The following CAMK4 variants were observed in gnomAD, a reference collection of about 807,000 sequenced individuals.
The protein encoded by CAMK4 is calcium/calmodulin-dependent protein kinase type IV.
In CAMK4, 22 loss-of-function variants were observed where a neutral mutation model predicts 44.9. The observed-to-expected ratio is 0.49, with a 90% CI of 0.35 to 0.70. The LOEUF is 0.70. Among genes scored for constraint, CAMK4 ranks in the 30% least tolerant of loss-of-function variants. The pLI is 0.01. For synonymous variants in CAMK4, 218 were observed against 215.4 expected, an observed-to-expected ratio of 1.01 and a Z score of -0.11; for missense variants, 498 against 586.8, an observed-to-expected ratio of 0.85 and a Z score of 1.56.
rs571808063 is a variant in CAMK4, at chr5:111,450,546, C to T, written c.625+1343C>T. Among the ~76,000 whole-genome samples, 83 of 128,910 alleles carry T rather than the reference C, an allele frequency of 6.4e-4. 5 individuals are homozygous for T. The highest frequency in any genetic ancestry group is 1.2e-3 in the Non-Finnish European group (70 of 60,136). The allele number at this position is 128,910 out of a possible 152,430, so 84.6% of individuals were successfully genotyped here. ...CTCATGCCTATAATCCCAGCACTTT[C>T]GGAGGCCGAGGTGGGTGGATCACCT... On this transcript the variant is annotated intron_variant, in intron 7 of 10. Transcript: ENST00000282356.
intron 5 of CAMK4, among the ~76,000 whole-genome samples, chr5:111,399,918 T>C (rs760719038): frequency 1.3e-5 from 2 of 152,184 alleles, no homozygotes; most frequent in African/African-American, 2.4e-5. Context: ...TCTTATTCAA[T>C]TGGTGAAAAA....
chr5:111,414,136 G>C (rs1008053858), intron 5 of CAMK4, among the ~76,000 whole-genome samples: 1 of 152,156 alleles, frequency 6.6e-6, no homozygotes, highest in Non-Finnish European at 1.5e-5. Flanking sequence ...TTTGGACTAA[G>C]TATTCAGGAC....
intron 4 of CAMK4, among the ~76,000 whole-genome samples, chr5:111,381,823 G>A (rs1399914075): frequency 2.6e-5 from 4 of 152,180 alleles, no homozygotes; most frequent in African/African-American, 7.2e-5. Context: ...TTCACATACG[G>A]TTTTAAATTT....
At chr5:111,234,782 C>A (rs2112504066) in intron 1 of CAMK4, among the ~76,000 whole-genome samples, 1 of 152,248 alleles carries the variant, frequency 6.6e-6, no homozygotes, top group East Asian at 1.9e-4. Flanking sequence ...GATTTGAGAC[C>A]ACCATCTGAT....
At chr5:111,432,656 G>A (rs1367523410) in intron 5 of CAMK4, among the ~76,000 whole-genome samples, 4 of 119,496 alleles carry the variant, frequency 3.3e-5, no homozygotes, top group Non-Finnish European at 7.1e-5. Context: ...ATGTATATAT[G>A]TGTGTGTATA....
chr5:111,223,775 G>A (rs1748029891), upstream of CAMK4: 1 of 152,760 alleles, frequency 6.5e-6, no homozygotes, highest in Non-Finnish European at 1.5e-5. The surrounding 1 kb of genome is among the most constrained non-coding windows in gnomAD (Gnocchi z 4.3). Context: ...AGGCACAGGA[G>A]CCCTGAGGGA....
intron 10 of CAMK4, 80 bp downstream of exon 10, chr5:111,483,017 A>G (rs1755487154): frequency 8.4e-7 from 1 of 1,193,618 alleles, no homozygotes; most frequent in Non-Finnish European, 1.1e-6. Flanking sequence ...TAATAGTTCT[A>G]CCGTTCTTCA....
At chr5:111,352,185 A>G (rs1333584443) in intron 2 of CAMK4, among the ~76,000 whole-genome samples, 2 of 152,130 alleles carry the variant, frequency 1.3e-5, no homozygotes, top group East Asian at 1.9e-4. Flanking sequence ...CCAAGTGTTG[A>G]TAGCCTTAAT....
At chr5:111,278,178 A>G (rs1274415120) in intron 1 of CAMK4, among the ~76,000 whole-genome samples, 2 of 152,182 alleles carry the variant, frequency 1.3e-5, no homozygotes, top group South Asian at 2.1e-4. Flanking sequence ...CTGCCCTCCT[A>G]CAGGAATAAT....
intron 1 of CAMK4, among the ~76,000 whole-genome samples, chr5:111,229,111 T>C (rs1748339038): frequency 1.3e-5 from 2 of 152,222 alleles, no homozygotes; most frequent in Non-Finnish European, 2.9e-5. Context: ...TCAGCCAATG[T>C]TCTTGGCTTG....
chr5:111,355,629 TCTCCTAATGCTATCCCTCCCCC>T (rs1437593557), intron 2 of CAMK4, among the ~76,000 whole-genome samples: 1 of 136,940 alleles, frequency 7.3e-6, no homozygotes, highest in African/African-American at 2.8e-5. Context: ...ATTAGGTATA[TCTCCTAATGCTATCCCTCCCCC>T]CTCCCCACAC....
chr5:111,312,497 T>C (rs1366877100), intron 1 of CAMK4, among the ~76,000 whole-genome samples: 2 of 152,168 alleles, frequency 1.3e-5, no homozygotes, highest in Admixed American at 6.5e-5. Flanking sequence ...GTGTCAGTTA[T>C]TATTGTATTC....
intron 1 of CAMK4, among the ~76,000 whole-genome samples, chr5:111,322,510 A>G (rs1748706041): frequency 6.6e-6 from 1 of 152,164 alleles, no homozygotes; most frequent in Non-Finnish European, 1.5e-5. Flanking sequence ...ACTGCCTGCT[A>G]CTAAAAAAAG....
intron 1 of CAMK4, among the ~76,000 whole-genome samples, chr5:111,297,376 G>A (rs1304198029): frequency 3.3e-5 from 5 of 152,142 alleles, no homozygotes; most frequent in Non-Finnish European, 7.4e-5. Flanking sequence ...AGGCTAGGAT[G>A]TGGAAAATTA....
chr5:111,363,567 A>G (rs1385985216), intron 2 of CAMK4, among the ~76,000 whole-genome samples: 3 of 152,068 alleles, frequency 2.0e-5, no homozygotes, highest in African/African-American at 7.2e-5. Flanking sequence ...GTTATAAAAA[A>G]TTGAATGGTA....
Position 111,293,839 on chromosome 5 carries a change from C to T in CAMK4, c.162-50185C>T, listed in dbSNP as rs184034701. Among the ~76,000 whole-genome samples the T allele has an allele frequency of 1.4e-3, 211 of 151,330 alleles. 3 individuals carry two copies. The East Asian group carries it at 0.038, about 28-fold the overall frequency. ...TCGGCTCACTGCAAGCTCCGCCTCCCGGGTTCATGCCATTCTCCTGCCTCA... is the reference window on the plus strand; with the variant it reads ...TCGGCTCACTGCAAGCTCCGCCTCCTGGGTTCATGCCATTCTCCTGCCTCA... On this transcript the variant is annotated intron_variant, in intron 1 of 10. Coordinates refer to ENST00000282356, the MANE Select transcript of CAMK4 (RefSeq NM_001744.6).
In CAMK4 at chr5:111,484,159, T is replaced by G. The variant is rs776185795; in HGVS notation, c.1115T>G (p.Ile372Ser). The G allele has an allele frequency of 1.2e-6, 2 of 1,614,044 alleles. No homozygotes were observed. Among genetic ancestry groups the G allele is most frequent in the African/African-American group, 2.7e-5 (2 of 74,934 alleles). Residue 372 changes from isoleucine (I) to serine (S), a missense_variant, in exon 11 of 11, where the codon ATT (isoleucine) becomes AGT (serine). Ile to Ser is a moderately radical substitution (Grantham distance 142). Transcript: ENST00000282356. This position sits in a 1 kb window ranked among gnomAD's most constrained non-coding sequence, Gnocchi z 5.3. ...IQDGNEDMKAIPEGEKIQGDG... is the reference protein window; with the variant it reads ...IQDGNEDMKASPEGEKIQGDG... ...GATGGCAACGAGGACATGAAAGCTA[T>G]TCCAGAAGGAGAGAAAATTCAAGGC...
At chr5:111,241,934 T>C (rs1171141013) in intron 1 of CAMK4, among the ~76,000 whole-genome samples, 1 of 152,220 alleles carries the variant, frequency 6.6e-6, no homozygotes, top group East Asian at 1.9e-4. Flanking sequence ...AGATCAGCTC[T>C]AGGCAATAAC....
intron 1 of CAMK4, among the ~76,000 whole-genome samples, chr5:111,315,615 G>A (rs1448028629): frequency 6.6e-6 from 1 of 151,966 alleles, no homozygotes; most frequent in Non-Finnish European, 1.5e-5. Context: ...TGTATATAAA[G>A]GAACTCTAAA....
Sources: allele counts gnomAD v4.1 joint callset (sites outside exome capture counted in the v4.1 genomes callset), GRCh38; gene constraint gnomAD v4.1.1; non-coding constraint Gnocchi (gnomAD v3.1); transcripts MANE v1.5; gene names NCBI Gene and HGNC (gene_info 2026-07-23, HGNC 2026-07-21).